The following CSMD1 variants were observed in gnomAD, a reference collection of about 807,000 sequenced individuals.
CSMD1 encodes the protein CUB and sushi domain-containing protein 1.
Under a neutral mutation model 417.5 loss-of-function variants are expected in CSMD1, and 213 were observed. The ratio of observed to expected loss-of-function variants is 0.51; its 90% CI spans 0.46 to 0.57. The LOEUF is 0.57. CSMD1 is among the 20% of genes least tolerant of loss of function. CSMD1 has a pLI of 0.00. For missense variants in CSMD1, 6,923 were observed against 4,529.7 expected (o/e 1.53, Z -15.17); for synonymous variants, 2,862 against 1,736.8 (o/e 1.65, Z -16.11).
chr8:2,968,170 A>C (rs1804136592), intron 57 of CSMD1, among the ~76,000 whole-genome samples: 1 of 152,216 alleles, frequency 6.6e-6, no homozygotes, highest in Non-Finnish European at 1.5e-5. Context: ...TGCAATAATT[A>C]AGGGTTGGAC....
intron 1 of CSMD1, among the ~76,000 whole-genome samples, chr8:4,985,366 T>TTAAAA (rs10636212): frequency 0.69 from 104,720 of 150,696 alleles, 37,488 homozygotes; most frequent in African/African-American, 0.84. Context: ...GCCCTGGAAC[T>TTAAAA]TAAAAGTTTT....
chr8:4,120,507 T>C (rs1306706631), intron 3 of CSMD1, among the ~76,000 whole-genome samples: 2 of 152,298 alleles, frequency 1.3e-5, no homozygotes, highest in East Asian at 3.9e-4. Flanking sequence ...AGATCAATTA[T>C]TTCCAAATTT....
At chr8:4,558,404 T>G (rs1016953506) in intron 2 of CSMD1, among the ~76,000 whole-genome samples, 34 of 152,216 alleles carry the variant, frequency 2.2e-4, no homozygotes, top group Non-Finnish European at 2.4e-4. Context: ...TTAATAATCT[T>G]TTTTAACTCT....
At chr8:3,436,287 C>T (rs1171042209) in intron 12 of CSMD1, among the ~76,000 whole-genome samples, 1 of 152,132 alleles carries the variant, frequency 6.6e-6, no homozygotes, top group Non-Finnish European at 1.5e-5. Context: ...AGATACATCC[C>T]ATATCAGAGG....
intron 3 of CSMD1, among the ~76,000 whole-genome samples, chr8:4,040,062 G>A (rs554498966): frequency 6.6e-6 from 1 of 152,102 alleles, no homozygotes. Flanking sequence ...GCAAATGTTA[G>A]GGAAATAATA....
intron 8 of CSMD1, among the ~76,000 whole-genome samples, chr8:3,612,679 T>C (rs1039102889): frequency 3.3e-5 from 5 of 151,900 alleles, no homozygotes; most frequent in Non-Finnish European, 5.9e-5. Flanking sequence ...AAATAAATCA[T>C]GGAACAAAAA....
Position 3,087,113 on chromosome 8 carries a change from G to A in CSMD1, c.7458C>T (p.Leu2486=). The A allele has an allele frequency of 6.2e-7, 1 of 1,613,444 alleles. No homozygotes were observed. ...ATTTCTTACCCTGGCAGAGTGGCGT[G>A]AGGGAGTCCCACTGGTACATGCCAA... ...NPLGMYQWDS[L]TPLCQAVSCG... The change falls in exon 49 of 70, where the codon CTC becomes CTT. Residue 2486 remains leucine (L), a synonymous_variant. Coordinates refer to ENST00000635120, the MANE Select transcript of CSMD1 (RefSeq NM_033225.6).
chr8:3,235,670 C>T (rs1799106115), intron 26 of CSMD1, among the ~76,000 whole-genome samples: 1 of 152,166 alleles, frequency 6.6e-6, no homozygotes, highest in African/African-American at 2.4e-5. Flanking sequence ...TAGAAGTCCA[C>T]AGAATATCAG....
intron 2 of CSMD1, among the ~76,000 whole-genome samples, chr8:4,428,476 G>T (rs900245797): frequency 6.6e-6 from 1 of 152,090 alleles, no homozygotes; most frequent in African/African-American, 2.4e-5. Context: ...GAGTAAAAAG[G>T]CTGCATGCCT....
At chr8:3,369,600 G>C (rs1038752520) in intron 18 of CSMD1, among the ~76,000 whole-genome samples, 1 of 152,120 alleles carries the variant, frequency 6.6e-6, no homozygotes, top group Non-Finnish European at 1.5e-5. Context: ...ACAGAATAAG[G>C]CACAGCAGGA....
At chr8:3,255,991 A>T (rs991479655) in intron 26 of CSMD1, among the ~76,000 whole-genome samples, 1 of 152,098 alleles carries the variant, frequency 6.6e-6, no homozygotes, top group African/African-American at 2.4e-5. Context: ...AGCTGTTCCT[A>T]TTCGGCCATC....
chr8:4,609,024 A>C (rs1531531), intron 2 of CSMD1, among the ~76,000 whole-genome samples: 64,392 of 151,344 alleles, frequency 0.43, 15,829 homozygotes, highest in Non-Finnish European at 0.54. Flanking sequence ...AAAAAAAAAA[A>C]AAAACATGAA....
chr8:3,189,028 T>C lies in CSMD1; in HGVS notation c.5399-17A>G, dbSNP rs750125074. Reference sequence around the variant, plus strand: ...TGCAGGGTACTAAAAGACACAACCATATGTCATGAAATAAAGTGCTGTGGG... The same window carrying C: ...TGCAGGGTACTAAAAGACACAACCACATGTCATGAAATAAAGTGCTGTGGG... On this transcript the variant is annotated splice_polypyrimidine_tract_variant and intron_variant, in intron 34 of 69. Coordinates refer to ENST00000635120, the MANE Select transcript of CSMD1 (RefSeq NM_033225.6). 2 of 1,604,468 alleles carry C rather than the reference T, an allele frequency of 1.2e-6. No individual in the cohort carries two copies. The highest frequency in any genetic ancestry group is 2.2e-5 in the East Asian group (1 of 44,618).
At chr8:3,398,883 A>G (rs191320611) in intron 16 of CSMD1, among the ~76,000 whole-genome samples, 1 of 152,308 alleles carries the variant, frequency 6.6e-6, no homozygotes, top group East Asian at 1.9e-4. Context: ...TAGCTAAGCC[A>G]AGCAACATTC....
rs2469327 is a variant in CSMD1 at position 3,611,112 on chromosome 8, C to A, written c.1097+5598G>T. 6.8e-3 allele frequency among the ~76,000 whole-genome samples: 1,011 copies of A among 149,178 alleles called. 13 individuals carry two copies. Among genetic ancestry groups the A allele is most frequent in the African/African-American group, 0.023 (941 of 40,374 alleles). Reference sequence around the variant, plus strand: ...TGGGGGGAGGGGGGAGGGATAGCATCGGGAGATATACCTAATGCTAAATGA... The same window carrying A: ...TGGGGGGAGGGGGGAGGGATAGCATAGGGAGATATACCTAATGCTAAATGA... On this transcript the variant is annotated intron_variant, in intron 8 of 69. Transcript: ENST00000635120.
At chr8:4,286,477 A>T (rs1056251763) in intron 3 of CSMD1, among the ~76,000 whole-genome samples, 1 of 152,136 alleles carries the variant, frequency 6.6e-6, no homozygotes, top group African/African-American at 2.4e-5. Flanking sequence ...GTGCCTCTTC[A>T]TTTTAATAAG....
intron 1 of CSMD1, among the ~76,000 whole-genome samples, chr8:4,798,373 G>C (rs1005848995): frequency 6.6e-6 from 1 of 151,954 alleles, no homozygotes; most frequent in South Asian, 2.1e-4. Flanking sequence ...AGTATTCCAT[G>C]GTGTATATGT....
chr8:4,649,436 A>C (rs1454273519), intron 1 of CSMD1, among the ~76,000 whole-genome samples: 1 of 152,222 alleles, frequency 6.6e-6, no homozygotes, highest in Non-Finnish European at 1.5e-5. Flanking sequence ...AGAAAAACTA[A>C]AGAGCTTGAG....
chr8:3,979,850 T>A (rs889473288), intron 5 of CSMD1, among the ~76,000 whole-genome samples: 2 of 152,214 alleles, frequency 1.3e-5, no homozygotes, highest in East Asian at 3.9e-4. Context: ...GTCTAAATTT[T>A]CAGAGCTATT....
Sources: gnomAD v4.1 joint callset for allele counts (sites outside exome capture counted in the v4.1 genomes callset) on GRCh38, gnomAD v4.1.1 for gene constraint, MANE v1.5 for transcripts, NCBI Gene and HGNC (gene_info 2026-07-23, HGNC 2026-07-21) for gene names.